ZNF268: variants seen among roughly 807,000 people sequenced by gnomAD.
The protein encoded by ZNF268 is zinc finger protein 3.
Under a neutral mutation model 29.3 loss-of-function variants are expected in ZNF268, and 20 were observed. The ratio of observed to expected loss-of-function variants is 0.68; its 90% CI spans 0.48 to 0.99. The LOEUF (loss-of-function observed/expected upper bound fraction) is 0.99, where lower values mean the gene tolerates loss of function less well. Ranked by LOEUF, ZNF268 falls within the 50% of genes least tolerant of loss-of-function variation. The pLI is 0.00. For missense variants in ZNF268, 1,240 were observed against 1,121.6 expected (o/e 1.11, Z -1.51); for synonymous variants, 429 against 376.9 (o/e 1.14, Z -1.60).
intron 5 of ZNF268, among the ~76,000 whole-genome samples, chr12:133,194,685 TG>T (rs1956554040): frequency 1.3e-5 from 2 of 152,198 alleles, no homozygotes; most frequent in African/African-American, 2.4e-5. Flanking sequence ...CTTTACCTTT[TG>T]GAAGCGGGAC....
At position 133,214,825 on chromosome 12, in the gene ZNF268, C is replaced by T. The variant is rs1335645120; in HGVS notation, c.*10295C>T. On this transcript the variant is annotated 3_prime_UTR_variant, in exon 6 of 6. Coordinates refer to ENST00000536435, the MANE Select transcript of ZNF268 (RefSeq NM_003415.3). ...TTTTACCTCAATAAAAAAATCTAGT[C>T]CACAGCATTCCCTCACCAGGGTCAG... 6.6e-6 allele frequency: 1 copy of T among 152,178 alleles called. No individual in the cohort carries two copies. Among genetic ancestry groups the T allele is most frequent in the Non-Finnish European group, 1.5e-5 (1 of 68,038 alleles). 9.4% of individuals were successfully genotyped at this position (152,178 alleles called of 1,614,324 possible).
At chr12:133,189,214 CTTTTTTTTTTTTTT>C (rs561890644) in intron 3 of ZNF268, among the ~76,000 whole-genome samples, 2 of 129,870 alleles carry the variant, frequency 1.5e-5, no homozygotes, top group Non-Finnish European at 1.6e-5. Context: ...GTCTTAATTC[CTTTTTTTTTTTTTT>C]TTTTGAGATG....
intron 5 of ZNF268, among the ~76,000 whole-genome samples, chr12:133,196,670 T>C (rs1320814758): frequency 6.6e-6 from 1 of 152,026 alleles, no homozygotes; most frequent in Non-Finnish European, 1.5e-5. Flanking sequence ...GGGCACAGAG[T>C]AATTATTCAC....
In ZNF268 at chr12:133,205,678, T is replaced by C. The variant is rs1216462197; in HGVS notation, c.*1148T>C. 1 of 152,242 alleles carries C rather than the reference T, an allele frequency of 6.6e-6. No homozygotes were observed. The highest frequency in any genetic ancestry group is 1.5e-5 in the Non-Finnish European group (1 of 68,036). The allele number at this position is 152,242 out of a possible 1,614,324, so 9.4% of individuals were successfully genotyped here. A position where few individuals can be genotyped will look rare whatever the true frequency, so the allele number is the denominator to read the frequency against. On this transcript the variant is annotated 3_prime_UTR_variant, in exon 6 of 6. Coordinates refer to ENST00000536435, the MANE Select transcript of ZNF268 (RefSeq NM_003415.3). Reference sequence around the variant, plus strand: ...ATCTTCTGCCCTTTGGAAGCAGTCTTGGCAGCAACCTCTTTAGTAATCAAT... The same window carrying C: ...ATCTTCTGCCCTTTGGAAGCAGTCTCGGCAGCAACCTCTTTAGTAATCAAT...
At chr12:133,190,301 C>T in intron 3 of ZNF268, among the ~76,000 whole-genome samples, 1 of 152,136 alleles carries the variant, frequency 6.6e-6, no homozygotes, top group East Asian at 1.9e-4. Context: ...CGTAAGTTTT[C>T]ATTTGTATAA....
chr12:133,212,442 ATT>A lies in ZNF268; in HGVS notation c.*7915_*7916del. 1.0e-5 allele frequency: 1 copy of A among 97,794 alleles called. No homozygotes were observed. The highest frequency in any genetic ancestry group is 3.8e-5 in the African/African-American group (1 of 26,026). The allele number at this position is 97,794 out of a possible 1,614,324, so 6.1% of individuals were successfully genotyped here. A position where few individuals can be genotyped will look rare whatever the true frequency, so the allele number is the denominator to read the frequency against. Reference sequence around the variant, plus strand: ...GTTCCAAGGGAGACTTTCATGTGTGATTTTATATATATATATATATATATATA... The same window carrying A: ...GTTCCAAGGGAGACTTTCATGTGTGATTATATATATATATATATATATATA... On this transcript the variant is annotated 3_prime_UTR_variant, in exon 6 of 6. Transcript: ENST00000536435.
At position 133,205,167 on chromosome 12, in the gene ZNF268, AAAAAAACC is replaced by A. The variant is rs1956873841; in HGVS notation, c.*640_*647del. 1.4e-5 allele frequency: 2 copies of A among 142,130 alleles called. 1 individual carries two copies. 8.8% of individuals were successfully genotyped at this position (142,130 alleles called of 1,614,324 possible). A position where few individuals can be genotyped will look rare whatever the true frequency, so the allele number is the denominator to read the frequency against. On this transcript the variant is annotated 3_prime_UTR_variant, in exon 6 of 6. Transcript: ENST00000536435. ...TCTAAAAAAAAAAAAAAAAAAAAAA[AAAAAAACC>A]AACCTGTTATTATATCTTAATATTA...
chr12:133,190,469 G>A (rs1451651006), intron 3 of ZNF268, among the ~76,000 whole-genome samples: 1 of 152,140 alleles, frequency 6.6e-6, no homozygotes, highest in Admixed American at 6.5e-5. Flanking sequence ...TTGGTGGTCA[G>A]TTTTTTGGAT....
chr12:133,194,593 TA>T, intron 5 of ZNF268, among the ~76,000 whole-genome samples: 1 of 152,202 alleles, frequency 6.6e-6, no homozygotes, highest in Admixed American at 6.5e-5. Flanking sequence ...TTCAACAGGC[TA>T]AATTTTTGTC....
Position 133,181,988 on chromosome 12 carries a change from G to C in ZNF268, c.-10G>C. The C allele has an allele frequency of 2.6e-6, 4 of 1,564,222 alleles. No individual in the cohort carries two copies. The highest frequency in any genetic ancestry group is 1.7e-6 in the Non-Finnish European group (2 of 1,154,008). On this transcript the variant is annotated 5_prime_UTR_variant, in exon 2 of 6. Coordinates refer to ENST00000536435, the MANE Select transcript of ZNF268 (RefSeq NM_003415.3). ...CACTTCCAGCGAGGCACACAAAACT[G>C]ACCGTAGGGATGGCCACCAGGGTCC...
intron 2 of ZNF268, chr12:133,184,585 A>G (rs889745922): frequency 1.2e-5 from 4 of 320,360 alleles, no homozygotes; most frequent in Admixed American, 3.0e-5. Flanking sequence ...TGACTTAATC[A>G]CTATTAAAAG....
At position 133,202,130 on chromosome 12, in the gene ZNF268, G is replaced by C. The variant is rs1422300259; in HGVS notation, c.458-14G>C. 9 of 1,546,942 alleles carry C rather than the reference G, an allele frequency of 5.8e-6. No individual in the cohort carries two copies. The highest frequency in any genetic ancestry group is 6.1e-6 in the Non-Finnish European group (7 of 1,148,480). ...TGTGATTTATAACATGTGACCAATT[G>C]TTCTCATTTCTAGACACAGTCTGGA... On this transcript the variant is annotated splice_polypyrimidine_tract_variant and intron_variant, in intron 5 of 5. Transcript: ENST00000536435.
In ZNF268 at chr12:133,202,935, G is replaced by A; in HGVS notation, c.1249G>A (p.Glu417Lys). Residue 417 changes from glutamate to lysine, a missense_variant, in exon 6 of 6, where the codon GAA (glutamate) becomes AAA (lysine). This residue lies in a region of ZNF268 where 1,177 missense variants were observed against 1,039.6 expected (regional missense o/e 1.13). Coordinates refer to ENST00000536435, the MANE Select transcript of ZNF268 (RefSeq NM_003415.3). ...ERIHTGEKPY[E>K]CNECQKAFNT... Reference sequence around the variant, plus strand: ...AATTCATACAGGAGAGAAACCATATGAATGCAATGAATGTCAGAAAGCCTT... The same window carrying A: ...AATTCATACAGGAGAGAAACCATATAAATGCAATGAATGTCAGAAAGCCTT... The A allele has an allele frequency of 1.3e-6, 2 of 1,544,668 alleles. No individual in the cohort carries two copies. Among genetic ancestry groups the A allele is most frequent in the Non-Finnish European group, 1.7e-6 (2 of 1,149,388 alleles).
At chr12:133,184,696 A>C (rs1319400934) in intron 2 of ZNF268, 1 of 451,766 alleles carries the variant, frequency 2.2e-6, no homozygotes, top group Non-Finnish European at 4.5e-6. Flanking sequence ...TGCTCACCAC[A>C]ACGTCTGCTT....
chr12:133,190,127 G>A (rs796890314), intron 3 of ZNF268, among the ~76,000 whole-genome samples: 56 of 152,248 alleles, frequency 3.7e-4, no homozygotes, highest in African/African-American at 1.3e-3. Context: ...CTGTTTTTGA[G>A]TAAGTTTGGT....
chr12:133,190,097 G>T (rs117670356), intron 3 of ZNF268, among the ~76,000 whole-genome samples: 2 of 152,178 alleles, frequency 1.3e-5, no homozygotes, highest in African/African-American at 4.8e-5. Flanking sequence ...CGTGAGCCAT[G>T]GCGCCTGGCC....
Position 133,210,868 on chromosome 12 carries a change from G to A in ZNF268, c.*6338G>A, listed in dbSNP as rs1593945092. ...AGGTACTGCAAGCAGGCTAGACAAGGTGTGTGCTTGCACCCCTTCCTTACT... is the reference window on the plus strand; with the variant it reads ...AGGTACTGCAAGCAGGCTAGACAAGATGTGTGCTTGCACCCCTTCCTTACT... On this transcript the variant is annotated 3_prime_UTR_variant, in exon 6 of 6. Coordinates refer to ENST00000536435, the MANE Select transcript of ZNF268 (RefSeq NM_003415.3). 3 of 455,944 alleles carry A rather than the reference G, an allele frequency of 6.6e-6. No individual in the cohort carries two copies. The highest frequency in any genetic ancestry group is 3.1e-5 in the South Asian group (2 of 64,572). The allele number at this position is 455,944 out of a possible 1,614,324, so 28.2% of individuals were successfully genotyped here.
At chr12:133,192,169 G>A (rs1057222617) in intron 5 of ZNF268, among the ~76,000 whole-genome samples, 166 bp downstream of exon 5, 22 of 150,136 alleles carry the variant, frequency 1.5e-4, no homozygotes, top group African/African-American at 9.9e-5. Context: ...GTGCAGTGGC[G>A]TGATCTCGGC....
In ZNF268 at chr12:133,208,084, T is replaced by C. The variant is rs1956931329; in HGVS notation, c.*3554T>C. The C allele has an allele frequency of 6.6e-6, 1 of 152,166 alleles. No homozygotes were observed. The highest frequency in any genetic ancestry group is 1.5e-5 in the Non-Finnish European group (1 of 68,032). 9.4% of individuals were successfully genotyped at this position (152,166 alleles called of 1,614,324 possible). ...AAAATTAGCCAGGTGCAGTGGCTCA[T>C]CCATGTAATACCAGCACTTGGGAAG... On this transcript the variant is annotated 3_prime_UTR_variant, in exon 6 of 6. Transcript: ENST00000536435.
Sources: allele counts gnomAD v4.1 joint callset (sites outside exome capture counted in the v4.1 genomes callset), GRCh38; gene constraint gnomAD v4.1.1; regional missense constraint gnomAD v4.1.1; transcripts MANE v1.5; gene names NCBI Gene and HGNC (gene_info 2026-07-23, HGNC 2026-07-21).